Variants in RFC3 observed in about 807,000 individuals in gnomAD.
RFC3 encodes the protein A1 38 kDa subunit.
Under a neutral mutation model 45.1 loss-of-function variants are expected in RFC3, and 41 were observed. That is an observed-to-expected ratio of 0.91 (90% confidence interval 0.71 to 1.18). RFC3 has a LOEUF of 1.18. Ranked by LOEUF, RFC3 falls within the 50% of genes most tolerant of loss-of-function variation. The pLI is 0.00. For synonymous variants in RFC3, 149 were observed against 144.0 expected (o/e 1.03, Z -0.25); for missense variants, 423 against 428.1 (o/e 0.99, Z 0.10).
chr13:33,922,332 G>C (rs1324749637), intron 8 of RFC3, among the ~76,000 whole-genome samples: 2 of 151,964 alleles, frequency 1.3e-5, no homozygotes, highest in Non-Finnish European at 2.9e-5. Flanking sequence ...CATCATCCTA[G>C]AAAGAAAATA....
intron 8 of RFC3, among the ~76,000 whole-genome samples, chr13:33,894,699 G>A (rs1330839103): frequency 6.6e-6 from 1 of 152,142 alleles, no homozygotes; most frequent in Non-Finnish European, 1.5e-5. Flanking sequence ...GTTGCTAGTG[G>A]AACACTGCAG....
chr13:33,970,220 A>G (rs1447992773), downstream of RFC3, among the ~76,000 whole-genome samples: 1 of 152,194 alleles, frequency 6.6e-6, no homozygotes, highest in Non-Finnish European at 1.5e-5. Context: ...TTTGCTGAGG[A>G]TAATGGCTTC....
At chr13:33,879,511 GT>G (rs1196066816) in intron 8 of RFC3, among the ~76,000 whole-genome samples, 1 of 151,980 alleles carries the variant, frequency 6.6e-6, no homozygotes, top group African/African-American at 2.4e-5. Flanking sequence ...AAGCTTCAAA[GT>G]CTTAGGGGAA....
At chr13:33,924,520 G>T (rs2082789759) in intron 8 of RFC3, among the ~76,000 whole-genome samples, 1 of 151,584 alleles carries the variant, frequency 6.6e-6, no homozygotes, top group South Asian at 2.1e-4. Context: ...TAGCTTGCAA[G>T]GCCTGAAACA....
intron 8 of RFC3, among the ~76,000 whole-genome samples, chr13:33,933,173 C>CT (rs762751852): frequency 3.9e-5 from 6 of 152,092 alleles, no homozygotes; most frequent in Non-Finnish European, 7.4e-5. Flanking sequence ...CTGTGGTCGT[C>CT]TTTCTTTTTT....
At chr13:33,903,364 A>G (rs1378851237) in intron 8 of RFC3, among the ~76,000 whole-genome samples, 1 of 152,124 alleles carries the variant, frequency 6.6e-6, no homozygotes, top group Non-Finnish European at 1.5e-5. Context: ...CCATACAGAA[A>G]CAGTAGGTGT....
chr13:33,844,165 C>T (rs991978359), intron 8 of RFC3, among the ~76,000 whole-genome samples: 22 of 152,184 alleles, frequency 1.4e-4, no homozygotes, highest in Admixed American at 9.8e-4. Flanking sequence ...GGTTCAAGCT[C>T]TCTTGTTCTC....
rs575093614 is a variant in RFC3, at chr13:33,821,148, T to C, written c.104T>C (p.Phe35Ser). The C allele has an allele frequency of 1.9e-5, 31 of 1,613,788 alleles. No individual in the cohort carries two copies. In the South Asian group the frequency reaches 3.4e-4, roughly 18 times the overall value. Residue 35 changes from phenylalanine (F) to serine (S), a missense_variant, in exon 2 of 9, where the codon TTT (phenylalanine) becomes TCT (serine). By Grantham distance (155) the Phe-to-Ser change is radical. Transcript: ENST00000380071. The part of the protein sequence containing the change: ...QLRNLVQCGD[F>S]PHLLVYGPSG... ...TTTTTTCAGGTGCAGTGTGGTGACT[T>C]TCCTCATCTGTTAGTGTACGGACCA...
intron 8 of RFC3, among the ~76,000 whole-genome samples, chr13:33,885,847 A>G (rs1282578533): frequency 6.6e-6 from 1 of 152,166 alleles, no homozygotes; most frequent in East Asian, 1.9e-4. Context: ...GAGCTCCACC[A>G]GCCATCTTTT....
chr13:33,887,941 A>G (rs1265413104), intron 8 of RFC3, among the ~76,000 whole-genome samples: 1 of 152,108 alleles, frequency 6.6e-6, no homozygotes, highest in African/African-American at 2.4e-5. Flanking sequence ...ATAGTTGTAG[A>G]TACGCAGCAT....
chr13:33,829,996 G>A lies in RFC3; in HGVS notation c.552G>A (p.Val184=), dbSNP rs765870536. Reference sequence around the variant, plus strand: ...GTAGTAGGTGCTTGGCGGTTCGTGTGCCTGCTCCCAGCATTGAAGATGTAG... The same window carrying A: ...GTAGTAGGTGCTTGGCGGTTCGTGTACCTGCTCCCAGCATTGAAGATGTAG... ...PIRSRCLAVR[V]PAPSIEDICH... is the part of the protein sequence containing the mutation. The change falls in exon 5 of 9, where the codon GTG becomes GTA. Residue 184 remains valine (V), a synonymous_variant. Transcript: ENST00000380071. 1.9e-5 allele frequency: 30 copies of A among 1,613,862 alleles called. 1 individual carries two copies. In the South Asian group the frequency reaches 2.3e-4, roughly 12 times the overall value.
intron 8 of RFC3, among the ~76,000 whole-genome samples, chr13:33,951,099 T>C (rs903949259): frequency 2.7e-5 from 4 of 150,264 alleles, no homozygotes; most frequent in Admixed American, 6.6e-5. Context: ...AGAAAAGTTT[T>C]TGGTGGTAAA....
At chr13:33,868,213 C>A (rs937824133) in intron 8 of RFC3, among the ~76,000 whole-genome samples, 4 of 152,178 alleles carry the variant, frequency 2.6e-5, no homozygotes, top group Admixed American at 6.5e-5. Context: ...TTCGGAAAGT[C>A]AAGCTCCAAC....
chr13:33,928,997 C>T (rs572537538), intron 8 of RFC3, among the ~76,000 whole-genome samples: 115 of 152,148 alleles, frequency 7.6e-4, no homozygotes, highest in African/African-American at 2.7e-3. Flanking sequence ...ATCTATTTGG[C>T]CTTTGCCCAT....
intron 8 of RFC3, among the ~76,000 whole-genome samples, chr13:33,890,179 G>C (rs2082554840): frequency 6.6e-6 from 1 of 152,132 alleles, no homozygotes; most frequent in Non-Finnish European, 1.5e-5. Flanking sequence ...TAGGGTCCCA[G>C]CTTTGACTTG....
At chr13:33,861,266 TTAA>T (rs2082339238) in intron 8 of RFC3, among the ~76,000 whole-genome samples, 1 of 152,210 alleles carries the variant, frequency 6.6e-6, no homozygotes. Flanking sequence ...CGGTGTTGAT[TTAA>T]TAATATCGGT....
rs533031718 is a variant in RFC3, at chr13:33,827,873, G to GT, written c.392-1955dup. On this transcript the variant is annotated intron_variant, in intron 4 of 8. Coordinates refer to ENST00000380071, the MANE Select transcript of RFC3 (RefSeq NM_002915.4). ...TAGGGAAGGAGAGGAAGGCCAGAGA[G>GT]TTTTTTTTAGGTCTGGGGCTCTACA... Among the ~76,000 whole-genome samples the GT allele has an allele frequency of 2.2e-4, 33 of 151,964 alleles. No homozygotes were observed. The South Asian group carries it at 5.8e-3, about 27-fold the overall frequency.
intron 8 of RFC3, among the ~76,000 whole-genome samples, chr13:33,959,429 A>G (rs915117493): frequency 6.6e-6 from 1 of 152,124 alleles, no homozygotes; most frequent in Non-Finnish European, 1.5e-5. Flanking sequence ...TGAACACAGC[A>G]AAGACTTCAT....
At chr13:33,964,272 A>G (rs1317263612) in intron 8 of RFC3, among the ~76,000 whole-genome samples, 1 of 152,226 alleles carries the variant, frequency 6.6e-6, no homozygotes, top group Non-Finnish European at 1.5e-5. Flanking sequence ...AAGAGATAGA[A>G]AATGGGTATT....
Sources: allele counts gnomAD v4.1 joint callset (sites outside exome capture counted in the v4.1 genomes callset), GRCh38; gene constraint gnomAD v4.1.1; transcripts MANE v1.5; gene names NCBI Gene and HGNC (gene_info 2026-07-23, HGNC 2026-07-21).